The following TIAM2 variants were observed in gnomAD, a reference collection of about 807,000 sequenced individuals.
TIAM2 encodes TIAM Rac1 associated GEF 2, also known as rho guanine nucleotide exchange factor TIAM2.
Under a neutral mutation model 152.9 loss-of-function variants are expected in TIAM2, and 80 were observed. That is an observed-to-expected ratio of 0.52 (90% CI 0.44 to 0.63). TIAM2 has a LOEUF of 0.63. Among genes scored for constraint, TIAM2 ranks in the 30% least tolerant of loss-of-function variants. TIAM2 has a pLI of 0.00. For synonymous variants in TIAM2, 804 were observed against 838.0 expected, an observed-to-expected ratio of 0.96 and a Z score of 0.70; for missense variants, 1,965 against 2,120.1, an observed-to-expected ratio of 0.93 and a Z score of 1.44.
intron 4 of TIAM2, among the ~76,000 whole-genome samples, 158 bp from the exon 5 acceptor site, chr6:155,137,019 G>C (rs1333794855): frequency 6.6e-6 from 1 of 152,126 alleles, no homozygotes; most frequent in Non-Finnish European, 1.5e-5. Context: ...ATTCTTTCTG[G>C]TATGAAGACT....
intron 9 of TIAM2, chr6:155,168,769 A>G: frequency 1.6e-6 from 2 of 1,259,840 alleles, no homozygotes; most frequent in Non-Finnish European, 2.2e-6. Flanking sequence ...TTAGTTTTTA[A>G]ATAATGAAAA....
At position 155,148,268 on chromosome 6, in the gene TIAM2, G is replaced by C; in HGVS notation, c.1962G>C (p.Lys654Asn). ...LQKIDMDSKM[K>N]KMAELQLSVV... ...AGATAGACATGGACAGCAAGATGAA[G>C]AAGATGGCAGAGCTGCAGCTGTCCG... The change falls in exon 7 of 27, where the codon AAG (lysine) becomes AAC (asparagine). Residue 654 changes from lysine to asparagine, a missense_variant. Coordinates refer to ENST00000682666, the MANE Select transcript of TIAM2 (RefSeq NM_012454.4). The C allele has an allele frequency of 6.2e-7, 1 of 1,612,520 alleles. No individual in the cohort carries two copies. The highest frequency in any genetic ancestry group is 8.5e-7 in the Non-Finnish European group (1 of 1,180,012).
At chr6:155,198,640 C>A (rs1450546285) in intron 14 of TIAM2, among the ~76,000 whole-genome samples, 1 of 72,632 alleles carries the variant, frequency 1.4e-5, no homozygotes, top group Non-Finnish European at 2.3e-5. Flanking sequence ...CCAGCCTAGA[C>A]AACAAGAGCA....
In TIAM2 at chr6:155,148,110, G is replaced by T; in HGVS notation, c.1804G>T (p.Ala602Ser). Residue 602 changes from alanine to serine, a missense_variant and splice_region_variant, in exon 7 of 27, where the codon GCC (alanine) becomes TCC (serine). Ala to Ser is a moderately conservative substitution (Grantham distance 99). This residue lies in a region of TIAM2 where 1,025 missense variants were observed against 1,119.4 expected (regional missense o/e 0.92). Coordinates refer to ENST00000682666, the MANE Select transcript of TIAM2 (RefSeq NM_012454.4). ...NSFGDVYLFQ[A>S]TSQTDLENWV... ...AGGCTTTCTCCCTCCCTGTGTGTAG[G>T]CCACCAGCCAGACAGATCTAGAAAA... 6.2e-7 allele frequency: 1 copy of T among 1,613,832 alleles called. No homozygotes were observed. The highest frequency in any genetic ancestry group is 8.5e-7 in the Non-Finnish European group (1 of 1,180,016).
chr6:155,238,464 C>T (rs938016687), intron 15 of TIAM2, among the ~76,000 whole-genome samples: 4 of 152,152 alleles, frequency 2.6e-5, no homozygotes, highest in African/African-American at 9.7e-5. Context: ...GTGCCCCCGA[C>T]TCAAAAGAGA....
At chr6:155,079,211 G>A (rs1289549574) in intron 1 of TIAM2, among the ~76,000 whole-genome samples, 12 of 151,956 alleles carry the variant, frequency 7.9e-5, no homozygotes, top group African/African-American at 2.9e-4. Context: ...ACAGACACCC[G>A]CCACCATGCC....
intron 7 of TIAM2, among the ~76,000 whole-genome samples, chr6:155,152,032 C>T (rs978562258): frequency 1.3e-5 from 2 of 151,678 alleles, no homozygotes; most frequent in African/African-American, 2.4e-5. Context: ...TTAATAGAGA[C>T]GGGGTTTCAC....
intron 2 of TIAM2, among the ~76,000 whole-genome samples, chr6:155,106,757 T>TA (rs1281370327): frequency 1.3e-5 from 2 of 152,224 alleles, no homozygotes; most frequent in Non-Finnish European, 2.9e-5. Flanking sequence ...CGTGTTCCTA[T>TA]GGAACTTCGG....
chr6:155,103,821 A>G (rs1326112904), intron 2 of TIAM2, among the ~76,000 whole-genome samples: 4 of 150,790 alleles, frequency 2.7e-5, no homozygotes, highest in Non-Finnish European at 2.9e-5. Flanking sequence ...TCTCTGATAC[A>G]TATCTCTTTA....
intron 1 of TIAM2, among the ~76,000 whole-genome samples, chr6:155,047,946 T>C (rs1258689394): frequency 6.6e-6 from 1 of 152,058 alleles, no homozygotes; most frequent in Non-Finnish European, 1.5e-5. Context: ...CAGCAAGGGT[T>C]ATTTTATTTT....
At chr6:155,083,674 G>A (rs535986602) in intron 1 of TIAM2, among the ~76,000 whole-genome samples, 1 of 152,200 alleles carries the variant, frequency 6.6e-6, no homozygotes. Context: ...AATGAAGAAA[G>A]TCACTTTGCC....
chr6:155,109,623 G>A (rs1238363350), intron 2 of TIAM2, among the ~76,000 whole-genome samples: 1 of 152,138 alleles, frequency 6.6e-6, no homozygotes, highest in African/African-American at 2.4e-5. Flanking sequence ...CAGTGTCTCA[G>A]GAAACATATT....
chr6:155,188,958 G>T lies in TIAM2; in HGVS notation c.3064+5458G>T, dbSNP rs897262237. On this transcript the variant is annotated intron_variant, in intron 14 of 26. Coordinates refer to ENST00000682666, the MANE Select transcript of TIAM2 (RefSeq NM_012454.4). The stretch of plus-strand genomic sequence containing the variant: ...TTACCAGATGATGAAGGTAATTGCA[G>T]CCTGAGGTTCTTTTTTTAGCCTCCA... Among the ~76,000 whole-genome samples, 5 of 150,430 alleles carry T rather than the reference G, an allele frequency of 3.3e-5. No individual in the cohort carries two copies. The East Asian group carries it at 9.6e-4, about 29-fold the overall frequency.
intron 1 of TIAM2, among the ~76,000 whole-genome samples, chr6:155,025,821 AACACAC>A (rs58173623): frequency 0.11 from 14,619 of 131,510 alleles, 883 homozygotes; most frequent in African/African-American, 0.16. Flanking sequence ...CTCCCCCTCA[AACACAC>A]ACACACACAC....
At chr6:155,079,054 CTTTGTTTTTTTGTT>C (rs1309820040) in intron 1 of TIAM2, among the ~76,000 whole-genome samples, 11 of 151,148 alleles carry the variant, frequency 7.3e-5, no homozygotes, top group South Asian at 2.1e-4. Context: ...ACCAGTTTAT[CTTTGTTTTTTTGTT>C]TTTGTTTTTT....
At chr6:155,202,758 C>G (rs1029622065) in intron 14 of TIAM2, among the ~76,000 whole-genome samples, 1 of 151,618 alleles carries the variant, frequency 6.6e-6, no homozygotes, top group Non-Finnish European at 1.5e-5. Flanking sequence ...GAGATTCTGG[C>G]TGGGTGCCAT....
At chr6:155,204,353 T>C (rs1781547017) in intron 14 of TIAM2, among the ~76,000 whole-genome samples, 2 of 151,996 alleles carry the variant, frequency 1.3e-5, no homozygotes, top group Admixed American at 6.5e-5. Flanking sequence ...CACACTGGCA[T>C]TGGTCTCTGG....
rs139465097 is a variant in TIAM2 at position 155,024,025 on chromosome 6, C to G, written c.-209+28533C>G. On this transcript the variant is annotated intron_variant, in intron 1 of 26. Transcript: ENST00000682666. Reference sequence around the variant, plus strand: ...CCCACTTAATACTCTGCATGCGGCTCTCCAGGACAGATTCCCTCCCACTCT... The same window carrying G: ...CCCACTTAATACTCTGCATGCGGCTGTCCAGGACAGATTCCCTCCCACTCT... Among the ~76,000 whole-genome samples the G allele has an allele frequency of 2.5e-3, 377 of 152,244 alleles. 2 individuals are homozygous for G. The highest frequency in any genetic ancestry group is 8.7e-3 in the African/African-American group (360 of 41,552).
At chr6:154,999,289 C>T (rs758592529) in intron 1 of TIAM2, among the ~76,000 whole-genome samples, 1 of 152,074 alleles carries the variant, frequency 6.6e-6, no homozygotes, top group East Asian at 1.9e-4. Context: ...CAGCTCACTG[C>T]AACCTCCATC....
Sources: gnomAD v4.1 joint callset for allele counts (sites outside exome capture counted in the v4.1 genomes callset) on GRCh38, gnomAD v4.1.1 for gene constraint, gnomAD v4.1.1 regional missense constraint, MANE v1.5 for transcripts, NCBI Gene and HGNC (gene_info 2026-07-23, HGNC 2026-07-21) for gene names.